The following MBP variants were observed in gnomAD, a reference collection of about 807,000 sequenced individuals.
MBP encodes the protein Golli-MBP.
In MBP, 16 loss-of-function variants were observed where a neutral mutation model predicts 35.8. The observed-to-expected ratio is 0.45, with a 90% confidence interval of 0.30 to 0.68. The LOEUF (loss-of-function observed/expected upper bound fraction) is 0.68. Ranked by LOEUF, MBP falls within the 30% of genes least tolerant of loss-of-function variation. The pLI, the probability that MBP is intolerant of heterozygous loss-of-function variation, is 0.08. For synonymous variants in MBP, 143 were observed against 159.6 expected, an observed-to-expected ratio of 0.90 and a Z score of 0.78; for missense variants, 380 against 404.7, an observed-to-expected ratio of 0.94 and a Z score of 0.52.
intron 4 of MBP, among the ~76,000 whole-genome samples, chr18:76,994,991 G>A (rs753011685): frequency 3.3e-5 from 5 of 152,114 alleles, no homozygotes; most frequent in Non-Finnish European, 7.4e-5. Context: ...TATCTGTATT[G>A]TTATACCATA....
Position 77,055,864 on chromosome 18 carries a change from C to T in MBP, c.139+10434G>A, listed in dbSNP as rs955578282. Among the ~76,000 whole-genome samples, 8 of 152,288 alleles carry T rather than the reference C, an allele frequency of 5.3e-5. No individual in the cohort carries two copies. In the South Asian group the frequency reaches 1.7e-3, roughly 32 times the overall value. On this transcript the variant is annotated intron_variant, in intron 3 of 8. Coordinates refer to ENST00000355994, the MANE Select transcript of MBP (RefSeq NM_001025101.2). ...TGGTGACTTTGCAAACCCAGACATT[C>T]CCAGAAACTCAGTGGTTCTAGAAAC...
intron 8 of MBP, chr18:76,981,262 T>C (rs470821): frequency 0.66 from 99,585 of 152,016 alleles, 32,676 homozygotes; most frequent in Middle Eastern, 0.7. Flanking sequence ...ATTCAAAGTT[T>C]AGTCTCTCTC....
At chr18:77,079,631 G>T (rs1187398129) in intron 2 of MBP, among the ~76,000 whole-genome samples, 1 of 152,038 alleles carries the variant, frequency 6.6e-6, no homozygotes, top group African/African-American at 2.4e-5. Context: ...TTTCAGTTCT[G>T]CAATATTATT....
At chr18:77,037,306 G>A (rs1972817520) in intron 3 of MBP, among the ~76,000 whole-genome samples, 1 of 151,974 alleles carries the variant, frequency 6.6e-6, no homozygotes, top group African/African-American at 2.4e-5. Flanking sequence ...GGAGGACTGA[G>A]CTGAGCAAGT....
At position 77,020,117 on chromosome 18, in the gene MBP, G is replaced by T. The variant is rs1377376698; in HGVS notation, c.140-2849C>A. Among the ~76,000 whole-genome samples the T allele has an allele frequency of 6.6e-6, 1 of 152,288 alleles. No individual in the cohort carries two copies. The highest frequency in any genetic ancestry group is 6.5e-5 in the Admixed American group (1 of 15,306). On this transcript the variant is annotated intron_variant, in intron 3 of 8. Coordinates refer to ENST00000355994, the MANE Select transcript of MBP (RefSeq NM_001025101.2). The surrounding 1 kb of genome is among the most constrained non-coding windows in gnomAD (Gnocchi z 4.1). Reference sequence around the variant, plus strand: ...GGGAAGATTCTAGTGGACGGCCTCTGTGGAGGGATATGATGGAGATGGTGG... The same window carrying T: ...GGGAAGATTCTAGTGGACGGCCTCTTTGGAGGGATATGATGGAGATGGTGG...
chr18:76,984,970 C>T (rs1311268933), intron 7 of MBP, 76 bp from the exon 8 acceptor site: 1 of 1,589,760 alleles, frequency 6.3e-7, no homozygotes, highest in Admixed American at 1.7e-5. Context: ...GGAGCTGCCA[C>T]CAGGGCCCCG....
rs59454959 is a variant in MBP, at chr18:77,014,360, G to A, written c.576+2472C>T. The A allele has an allele frequency of 1.2e-3, 1,162 of 985,440 alleles. 8 individuals are homozygous for A. In the African/African-American group the frequency reaches 0.019, roughly 16 times the overall value. The allele number at this position is 985,440 out of a possible 1,614,324, so 61.0% of individuals were successfully genotyped here. On this transcript the variant is annotated intron_variant, in intron 4 of 8. Transcript: ENST00000355994. ...AACAGCCCCTTTTATAGGGTCATGG[G>A]GGGGCTCCACTCAGAGTCTGGCAGG...
intron 2 of MBP, 107 bp from the exon 3 acceptor site, chr18:77,066,492 T>C: frequency 1.2e-6 from 1 of 818,642 alleles, no homozygotes; most frequent in Non-Finnish European, 2.2e-6. Context: ...AGATAATCAG[T>C]TTCACATCTG....
intron 7 of MBP, chr18:76,987,373 A>C: frequency 5.1e-6 from 5 of 985,504 alleles, no homozygotes; most frequent in Non-Finnish European, 6.0e-6. Context: ...TCATTAGGTC[A>C]GAAAAAGCAA....
Position 77,102,677 on chromosome 18 carries a change from T to C in MBP, c.51+2534A>G, listed in dbSNP as rs1257924261. On this transcript the variant is annotated intron_variant, in intron 2 of 8. Transcript: ENST00000355994. This position sits in a 1 kb window ranked among gnomAD's most constrained non-coding sequence, Gnocchi z 4.4. ...GATAGCATTAAACAAATTAAAAACA[T>C]ATGTGGGTGTTTTACAGCGTCAAAC... Among the ~76,000 whole-genome samples, 2 of 152,026 alleles carry C rather than the reference T, an allele frequency of 1.3e-5. No individual in the cohort carries two copies. The highest frequency in any genetic ancestry group is 3.9e-4 in the East Asian group (2 of 5,172).
At chr18:76,984,086 T>A in intron 8 of MBP, 1 of 151,362 alleles carries the variant, frequency 6.6e-6, no homozygotes, top group Admixed American at 6.6e-5. Context: ...TGAGAGCCGC[T>A]GTCTAAGAGT....
At position 77,092,209 on chromosome 18, in the gene MBP, C is replaced by T. The variant is rs116417279; in HGVS notation, c.51+13002G>A. Among the ~76,000 whole-genome samples the T allele has an allele frequency of 9.0e-3, 1,378 of 152,380 alleles. 18 individuals carry two copies. The highest frequency in any genetic ancestry group is 0.032 in the African/African-American group (1,312 of 41,590). Reference sequence around the variant, plus strand: ...CGAAATGACCTGGCACAGTGCGCGGCGCCTCACATAGGCCCAGGGCCGCGG... The same window carrying T: ...CGAAATGACCTGGCACAGTGCGCGGTGCCTCACATAGGCCCAGGGCCGCGG... On this transcript the variant is annotated intron_variant, in intron 2 of 8. Transcript: ENST00000355994.
Position 77,123,373 on chromosome 18 carries a change from G to A in MBP, c.-26+9207C>T, listed in dbSNP as rs371380260. On this transcript the variant is annotated intron_variant, in intron 1 of 8. Transcript: ENST00000355994. ...AATAAAAATAAACTGTCAACAAAAA[G>A]CTTTAGTATCAATTAGTTATTCTAA... 1.8e-4 allele frequency among the ~76,000 whole-genome samples: 27 copies of A among 152,320 alleles called. No homozygotes were observed. The South Asian group carries it at 5.6e-3, about 32-fold the overall frequency.
At chr18:77,021,814 T>C (rs560816163) in intron 3 of MBP, among the ~76,000 whole-genome samples, 116 of 152,178 alleles carry the variant, frequency 7.6e-4, no homozygotes, top group Non-Finnish European at 1.5e-3. Context: ...GCACTTGGAC[T>C]CCAATGCAGC....
chr18:77,100,928 C>A (rs889795253), intron 2 of MBP, among the ~76,000 whole-genome samples: 2 of 152,116 alleles, frequency 1.3e-5, no homozygotes, highest in Non-Finnish European at 2.9e-5. Flanking sequence ...AAAGAGTAAG[C>A]CCACAGCTCA....
intron 3 of MBP, among the ~76,000 whole-genome samples, chr18:77,060,468 T>TTTTTTTTTTTTG (rs11422817): frequency 7.5e-6 from 1 of 132,998 alleles, no homozygotes; most frequent in African/African-American, 3.4e-5. Context: ...TTTTTTTTTT[T>TTTTTTTTTTTTG]ATGAGGCGGA....
At chr18:77,053,814 G>A (rs1019146161) in intron 3 of MBP, among the ~76,000 whole-genome samples, 4 of 152,228 alleles carry the variant, frequency 2.6e-5, no homozygotes, top group Non-Finnish European at 4.4e-5. Context: ...CCCATGAGCC[G>A]GGCCTGCGTC....
chr18:77,033,890 C>T (rs1207670542), intron 3 of MBP, among the ~76,000 whole-genome samples: 1 of 151,846 alleles, frequency 6.6e-6, no homozygotes, highest in African/African-American at 2.4e-5. Flanking sequence ...ACACATCCAC[C>T]CATCTGATAC....
intron 3 of MBP, among the ~76,000 whole-genome samples, chr18:77,036,169 T>G (rs1243655812): frequency 3.2e-5 from 4 of 125,170 alleles, no homozygotes; most frequent in Non-Finnish European, 6.5e-5. Context: ...TTTGGAGGAC[T>G]GAGCTGAGCA....
Sources: gnomAD v4.1 joint callset for allele counts (sites outside exome capture counted in the v4.1 genomes callset) on GRCh38, gnomAD v4.1.1 for gene constraint, Gnocchi (gnomAD v3.1) non-coding constraint, MANE v1.5 for transcripts, NCBI Gene and HGNC (gene_info 2026-07-23, HGNC 2026-07-21) for gene names.